GALNT7: variants seen among roughly 807,000 people sequenced by gnomAD.
GALNT7 encodes polypeptide N-acetylgalactosaminyltransferase 7, also known as N-acetylgalactosaminyltransferase 7.
In GALNT7, 60 loss-of-function variants were observed where a neutral mutation model predicts 82.1. The ratio of observed to expected loss-of-function variants is 0.73; its 90% CI spans 0.59 to 0.91. The LOEUF (loss-of-function observed/expected upper bound fraction) is 0.91. Among genes scored for constraint, GALNT7 ranks in the 40% least tolerant of loss-of-function variants. The pLI is 0.00. For missense variants in GALNT7, 660 were observed against 804.2 expected (o/e 0.82, Z 2.17); for synonymous variants, 243 against 275.1 (o/e 0.88, Z 1.15).
chr4:173,254,400 T>G (rs1734951811), intron 2 of GALNT7, among the ~76,000 whole-genome samples: 1 of 152,208 alleles, frequency 6.6e-6, no homozygotes, highest in Non-Finnish European at 1.5e-5. Flanking sequence ...CCAAGCTATT[T>G]AGAATGTATT....
Position 173,322,839 on chromosome 4 carries a change from C to T in GALNT7, c.*1122C>T, listed in dbSNP as rs566030851. On this transcript the variant is annotated 3_prime_UTR_variant, in exon 12 of 12. Coordinates refer to ENST00000265000, the MANE Select transcript of GALNT7 (RefSeq NM_017423.3). ...TATATTTTCATCCAAATGACATTAT[C>T]TGCACGTTTTTAAAATTTAAAAACA... The T allele has an allele frequency of 3.3e-5, 5 of 152,214 alleles. No individual in the cohort carries two copies. The South Asian group carries it at 1.0e-3, about 32-fold the overall frequency. The allele number at this position is 152,214 out of a possible 1,614,324, so 9.4% of individuals were successfully genotyped here. A position where few individuals can be genotyped will look rare whatever the true frequency, so the allele number is the denominator to read the frequency against.
intron 1 of GALNT7, among the ~76,000 whole-genome samples, chr4:173,170,333 A>G (rs1731818818): frequency 1.3e-5 from 2 of 152,222 alleles, no homozygotes; most frequent in South Asian, 4.1e-4. Context: ...TGTCATGTTT[A>G]TTTAACTTTC....
intron 1 of GALNT7, among the ~76,000 whole-genome samples, chr4:173,239,123 A>C (rs1347711757): frequency 6.6e-6 from 1 of 152,202 alleles, no homozygotes; most frequent in African/African-American, 2.4e-5. Flanking sequence ...TAAATAAAGT[A>C]CTCATTTTCC....
intron 7 of GALNT7, 71 bp from the exon 8 acceptor site, chr4:173,303,925 C>A (rs753808711): frequency 2.9e-4 from 373 of 1,273,170 alleles, no homozygotes; most frequent in Non-Finnish European, 3.8e-4. Context: ...TTTACACTTA[C>A]AAGATAAATT....
intron 1 of GALNT7, chr4:173,169,579 C>T (rs571423321): frequency 9.9e-5 from 15 of 151,734 alleles, no homozygotes; most frequent in Non-Finnish European, 1.5e-4. Context: ...GAGCGCGCCT[C>T]CCCCTCAACT....
rs185388391 is a variant in GALNT7 at position 173,182,860 on chromosome 4, A to G, written c.126+13899A>G. On this transcript the variant is annotated intron_variant, in intron 1 of 11. Coordinates refer to ENST00000265000, the MANE Select transcript of GALNT7 (RefSeq NM_017423.3). ...CACACACACAGCTTTTTCTCTATGT[A>G]CCTGATTCTTTTAAATTAAAGATAA... Among the ~76,000 whole-genome samples, 22 of 141,278 alleles carry G rather than the reference A, an allele frequency of 1.6e-4. No homozygotes were observed. The East Asian group carries it at 4.3e-3, about 27-fold the overall frequency. 92.7% of individuals were successfully genotyped at this position (141,278 alleles called of 152,430 possible).
chr4:173,168,814 AG>A lies in GALNT7; in HGVS notation c.-21del. 1 of 1,604,168 alleles carries A rather than the reference AG, an allele frequency of 6.2e-7. No homozygotes were observed. Among genetic ancestry groups the A allele is most frequent in the Non-Finnish European group, 8.5e-7 (1 of 1,175,630 alleles). On this transcript the variant is annotated 5_prime_UTR_variant, in exon 1 of 12. Coordinates refer to ENST00000265000, the MANE Select transcript of GALNT7 (RefSeq NM_017423.3). ...GTGGCGGCGGCTGCGCCGGGCTGTG[AG>A]TCTCTCGCCGCCGGAGGAAGATGAG...
At position 173,232,495 on chromosome 4, in the gene GALNT7, C is replaced by T. The variant is rs191332203; in HGVS notation, c.127-15485C>T. ...TTGCCCGGGCTGGAGGGCAGTGGCACGACCATAGTTCACTGCAGCCTCGAA... is the reference window on the plus strand; with the variant it reads ...TTGCCCGGGCTGGAGGGCAGTGGCATGACCATAGTTCACTGCAGCCTCGAA... On this transcript the variant is annotated intron_variant, in intron 1 of 11. Coordinates refer to ENST00000265000, the MANE Select transcript of GALNT7 (RefSeq NM_017423.3). Among the ~76,000 whole-genome samples the T allele has an allele frequency of 7.2e-5, 11 of 151,846 alleles. No homozygotes were observed. In the East Asian group the frequency reaches 9.7e-4, roughly 13 times the overall value.
At chr4:173,299,851 C>CAA (rs537370642) in intron 6 of GALNT7, among the ~76,000 whole-genome samples, 8 of 128,926 alleles carry the variant, frequency 6.2e-5, no homozygotes, top group South Asian at 2.4e-4. Context: ...GTCTCAAAAA[C>CAA]AAAAAAAAAA....
At chr4:173,184,628 GAGGGA>G in intron 1 of GALNT7, among the ~76,000 whole-genome samples, 1 of 146,298 alleles carries the variant, frequency 6.8e-6, no homozygotes, top group African/African-American at 2.6e-5. Context: ...GGGAGAGGGA[GAGGGA>G]GGGGGAGGGG....
At chr4:173,187,834 ATTTCTCT>A (rs1278219765) in intron 1 of GALNT7, among the ~76,000 whole-genome samples, 24 of 152,164 alleles carry the variant, frequency 1.6e-4, no homozygotes, top group Admixed American at 1.6e-3. Context: ...GTGAAGCATA[ATTTCTCT>A]TTTCTTTCTC....
chr4:173,254,598 A>C (rs1734960343), intron 2 of GALNT7, among the ~76,000 whole-genome samples: 1 of 152,246 alleles, frequency 6.6e-6, no homozygotes, highest in Admixed American at 6.5e-5. Flanking sequence ...ACATACATAT[A>C]TGAATCATGT....
chr4:173,262,233 A>G (rs1020763382), intron 2 of GALNT7, among the ~76,000 whole-genome samples: 1 of 152,194 alleles, frequency 6.6e-6, no homozygotes. Flanking sequence ...TACTGTACTA[A>G]AAACTAGTGG....
At chr4:173,187,578 C>G (rs1184199739) in intron 1 of GALNT7, among the ~76,000 whole-genome samples, 3 of 152,146 alleles carry the variant, frequency 2.0e-5, no homozygotes, top group Non-Finnish European at 4.4e-5. Context: ...GAAACAGAAG[C>G]CATCACTAGA....
chr4:173,263,550 G>A (rs1383123628), intron 2 of GALNT7, among the ~76,000 whole-genome samples: 1 of 152,084 alleles, frequency 6.6e-6, no homozygotes, highest in East Asian at 1.9e-4. Context: ...TAGGATTGAT[G>A]GATAAAATAA....
At chr4:173,210,461 C>CT (rs1554021611) in intron 1 of GALNT7, among the ~76,000 whole-genome samples, 10 of 151,224 alleles carry the variant, frequency 6.6e-5, no homozygotes, top group South Asian at 2.1e-4. Flanking sequence ...TTTTATTTTC[C>CT]TTTTTTTTTG....
At chr4:173,285,203 T>C (rs1736279600) in intron 2 of GALNT7, among the ~76,000 whole-genome samples, 1 of 152,198 alleles carries the variant, frequency 6.6e-6, no homozygotes, top group Non-Finnish European at 1.5e-5. Context: ...TAAAAACACA[T>C]TTTGCTGTTT....
chr4:173,304,846 AT>A (rs765320468), intron 8 of GALNT7, among the ~76,000 whole-genome samples: 16 of 151,834 alleles, frequency 1.1e-4, no homozygotes, highest in Admixed American at 9.8e-4. Flanking sequence ...AAGTGACAGG[AT>A]TTTTTTATTA....
At chr4:173,238,732 A>G (rs1335419542) in intron 1 of GALNT7, among the ~76,000 whole-genome samples, 1 of 152,226 alleles carries the variant, frequency 6.6e-6, no homozygotes, top group Non-Finnish European at 1.5e-5. Context: ...ATGCATATTT[A>G]TGATTCAGTT....
Sources: gnomAD v4.1 joint callset for allele counts (sites outside exome capture counted in the v4.1 genomes callset) on GRCh38, gnomAD v4.1.1 for gene constraint, MANE v1.5 for transcripts, NCBI Gene and HGNC (gene_info 2026-07-23, HGNC 2026-07-21) for gene names.